RAPGEF4: variants seen among roughly 807,000 people sequenced by gnomAD.
The protein encoded by RAPGEF4 is Rap guanine nucleotide exchange factor 4, also known as RAP guanine-nucleotide-exchange factor (GEF) 4.
A neutral mutation model predicts 147.9 loss-of-function variants in RAPGEF4; 66 were observed. The observed-to-expected ratio is 0.45, with a 90% CI of 0.37 to 0.55. RAPGEF4 has a LOEUF of 0.55. Among genes scored for constraint, RAPGEF4 ranks in the 20% least tolerant of loss-of-function variants. The probability of loss-of-function intolerance (pLI) is 0.00; values close to 1 mark genes in which losing one functional copy is unlikely to be tolerated. For synonymous variants in RAPGEF4, 419 were observed against 442.7 expected, an observed-to-expected ratio of 0.95 and a Z score of 0.67; for missense variants, 1,071 against 1,257.3, an observed-to-expected ratio of 0.85 and a Z score of 2.24.
chr2:173,007,220 G>C (rs1174707832), intron 17 of RAPGEF4, among the ~76,000 whole-genome samples: 5 of 152,220 alleles, frequency 3.3e-5, no homozygotes, highest in Non-Finnish European at 7.3e-5. Flanking sequence ...TGTGCTATGA[G>C]TACAAGCCCT....
At chr2:172,880,462 C>A (rs1388241220) in intron 4 of RAPGEF4, among the ~76,000 whole-genome samples, 1 of 152,162 alleles carries the variant, frequency 6.6e-6, no homozygotes, top group Non-Finnish European at 1.5e-5. Context: ...GAGCTCAATA[C>A]AGTGCCTGGT....
chr2:173,010,126 T>C (rs780983540), intron 17 of RAPGEF4, among the ~76,000 whole-genome samples: 127 of 152,152 alleles, frequency 8.3e-4, no homozygotes, highest in Non-Finnish European at 5.9e-4. Flanking sequence ...GGTGATGGAG[T>C]TGAAGGAAAT....
intron 23 of RAPGEF4, among the ~76,000 whole-genome samples, chr2:173,024,229 T>A (rs1318658771): frequency 2.2e-5 from 3 of 139,504 alleles, no homozygotes; most frequent in African/African-American, 7.5e-5. Flanking sequence ...TTTTTTTTTT[T>A]TTTTTTGAGA....
chr2:172,979,060 G>A (rs1440746567), intron 10 of RAPGEF4, among the ~76,000 whole-genome samples: 1 of 152,186 alleles, frequency 6.6e-6, no homozygotes, highest in Non-Finnish European at 1.5e-5. Flanking sequence ...GAGTAAATCT[G>A]TAATCCTAAG....
intron 17 of RAPGEF4, among the ~76,000 whole-genome samples, chr2:173,012,132 G>A (rs539205625): frequency 6.6e-6 from 1 of 152,302 alleles, no homozygotes; most frequent in Non-Finnish European, 1.5e-5. Flanking sequence ...ATTTTTCACA[G>A]TACAAGGCCA....
intron 26 of RAPGEF4, among the ~76,000 whole-genome samples, chr2:173,033,528 A>G (rs1474697955): frequency 6.6e-6 from 1 of 152,206 alleles, no homozygotes; most frequent in African/African-American, 2.4e-5. Context: ...AAGCTCTTTT[A>G]TTGCTAATAT....
chr2:172,984,494 A>G (rs1390965456), intron 11 of RAPGEF4, among the ~76,000 whole-genome samples: 1 of 152,146 alleles, frequency 6.6e-6, no homozygotes, highest in Non-Finnish European at 1.5e-5. Context: ...CCTCCTTCAC[A>G]TATCTCCCAC....
intron 1 of RAPGEF4, among the ~76,000 whole-genome samples, chr2:172,740,391 C>T (rs959752930): frequency 1.3e-5 from 2 of 152,166 alleles, no homozygotes; most frequent in African/African-American, 4.8e-5. Context: ...CATGGTTATT[C>T]AAAAGGTTGT....
chr2:173,044,388 A>G (rs1406462562), intron 29 of RAPGEF4, among the ~76,000 whole-genome samples: 1 of 152,192 alleles, frequency 6.6e-6, no homozygotes, highest in East Asian at 1.9e-4. Context: ...TGGGAAAACA[A>G]ATCCTGCTGA....
At chr2:172,967,051 G>A in intron 9 of RAPGEF4, 4 of 465,046 alleles carry the variant, frequency 8.6e-6, no homozygotes, top group Non-Finnish European at 1.5e-5. Context: ...GAGATGGGTG[G>A]GTCAGAGAGG....
At chr2:173,016,607 A>G (rs1231149024) in intron 19 of RAPGEF4, among the ~76,000 whole-genome samples, 170 bp downstream of exon 19, 2 of 152,318 alleles carry the variant, frequency 1.3e-5, no homozygotes, top group East Asian at 3.9e-4. Flanking sequence ...GAGGAACAGA[A>G]GGACTGAGAT....
intron 1 of RAPGEF4, among the ~76,000 whole-genome samples, chr2:172,774,584 G>A (rs1683974749): frequency 6.6e-6 from 1 of 152,210 alleles, no homozygotes. Context: ...CTAAAATGGT[G>A]TGGAAAGCTG....
At chr2:172,910,925 G>C (rs1210865772) in intron 4 of RAPGEF4, among the ~76,000 whole-genome samples, 1 of 152,210 alleles carries the variant, frequency 6.6e-6, no homozygotes, top group African/African-American at 2.4e-5. Context: ...AGGGGAACTA[G>C]ATGGTCCCTA....
intron 6 of RAPGEF4, among the ~76,000 whole-genome samples, chr2:172,950,052 C>G (rs16861064): frequency 6.6e-6 from 1 of 152,140 alleles, no homozygotes; most frequent in East Asian, 1.9e-4. Context: ...TAAATTTGTT[C>G]TCTATACTTA....
chr2:172,920,387 T>C (rs1684615741), intron 5 of RAPGEF4, among the ~76,000 whole-genome samples: 1 of 152,150 alleles, frequency 6.6e-6, no homozygotes, highest in South Asian at 2.1e-4. Context: ...CGCCACCCAA[T>C]CCATATTCAA....
At chr2:172,991,042 T>C in intron 15 of RAPGEF4, 117 bp downstream of exon 15, 1 of 745,938 alleles carries the variant, frequency 1.3e-6, no homozygotes, top group Non-Finnish European at 2.2e-6. Flanking sequence ...GTATGTGACT[T>C]TTTTCCTCTC....
chr2:172,860,659 T>A (rs1166177881), intron 4 of RAPGEF4, among the ~76,000 whole-genome samples: 1 of 152,032 alleles, frequency 6.6e-6, no homozygotes, highest in Non-Finnish European at 1.5e-5. Flanking sequence ...GGCAATTGTT[T>A]TTTTAAAAAA....
chr2:172,792,990 C>T (rs1244029863), intron 1 of RAPGEF4, among the ~76,000 whole-genome samples: 3 of 152,144 alleles, frequency 2.0e-5, no homozygotes, highest in South Asian at 4.1e-4. Context: ...ACACTTTTTT[C>T]TCTCAGGGTT....
chr2:173,004,832 T>A (rs1694276247), intron 17 of RAPGEF4, among the ~76,000 whole-genome samples: 1 of 152,032 alleles, frequency 6.6e-6, no homozygotes, highest in Non-Finnish European at 1.5e-5. Flanking sequence ...ATGTTACATG[T>A]GCTTTTTGGT....
Sources: gnomAD v4.1 joint callset for allele counts (sites outside exome capture counted in the v4.1 genomes callset) on GRCh38, gnomAD v4.1.1 for gene constraint, MANE v1.5 for transcripts, NCBI Gene and HGNC (gene_info 2026-07-23, HGNC 2026-07-21) for gene names.